RNGTT: variants seen among roughly 807,000 people sequenced by gnomAD.
RNGTT encodes the protein RNA guanylyltransferase and 5'-phosphatase.
A neutral mutation model predicts 79.3 loss-of-function variants in RNGTT; 33 were observed. The ratio of observed to expected loss-of-function variants is 0.42; its 90% CI spans 0.32 to 0.56. RNGTT has a LOEUF of 0.56. RNGTT is among the 20% of genes least tolerant of loss of function. The pLI is 0.17. For missense variants in RNGTT, 497 were observed against 739.1 expected, an observed-to-expected ratio of 0.67 and a Z score of 3.80; for synonymous variants, 222 against 235.9, an observed-to-expected ratio of 0.94 and a Z score of 0.54.
At chr6:88,869,833 G>T (rs1235927789) in intron 8 of RNGTT, among the ~76,000 whole-genome samples, 1 of 151,982 alleles carries the variant, frequency 6.6e-6, no homozygotes, top group Non-Finnish European at 1.5e-5. Context: ...GCTGCTTAAA[G>T]GCTGTAATTT....
In RNGTT at chr6:88,801,579, A is replaced by T. The variant is rs1779784856; in HGVS notation, c.1323T>A (p.Ile441=). 4 of 1,612,738 alleles carry T rather than the reference A, an allele frequency of 2.5e-6. No individual in the cohort carries two copies. Among genetic ancestry groups the T allele is most frequent in the Non-Finnish European group, 3.4e-6 (4 of 1,179,238 alleles). The change falls in exon 12 of 16, where the codon ATT becomes ATA. Residue 441 remains isoleucine (I), a synonymous_variant. Coordinates refer to ENST00000369485, the MANE Select transcript of RNGTT (RefSeq NM_003800.5). ...KEVSHEMDGL[I]FQPTGKYKPG... ...ATGAACTTACTCCAGTAGGCTGAAAAATAAGTCCATCCATTTCATGGCTCA... is the reference window on the plus strand; with the variant it reads ...ATGAACTTACTCCAGTAGGCTGAAATATAAGTCCATCCATTTCATGGCTCA...
chr6:88,714,158 A>G (rs1291052364), intron 13 of RNGTT: 2 of 152,224 alleles, frequency 1.3e-5, no homozygotes, highest in Non-Finnish European at 2.9e-5. Context: ...ACTGGGTAAA[A>G]TACTGTGAAA....
At chr6:88,940,917 G>A (rs2127958572) in intron 2 of RNGTT, among the ~76,000 whole-genome samples, 154 bp downstream of exon 2, 2 of 152,314 alleles carry the variant, frequency 1.3e-5, no homozygotes, top group East Asian at 3.9e-4. Context: ...GAGAAGCTGG[G>A]AGAAGGGTTC....
rs1177600777 is a variant in RNGTT, at chr6:88,939,768, CCTT to C, written c.174+1300_174+1302del. Among the ~76,000 whole-genome samples the C allele has an allele frequency of 4.7e-5, 7 of 149,632 alleles. No individual in the cohort carries two copies. In the East Asian group the frequency reaches 1.4e-3, roughly 30 times the overall value. ...CACATCTGGTGTAACACTCACTTCT[CCTT>C]TTTTTTTGAGACACGGTCACACTAT... On this transcript the variant is annotated intron_variant, in intron 2 of 15. Transcript: ENST00000369485.
rs147650416 is a variant in RNGTT, at chr6:88,844,385, G to A, written c.1241C>T (p.Pro414Leu). 2.2e-5 allele frequency: 35 copies of A among 1,612,844 alleles called. No homozygotes were observed. The highest frequency in any genetic ancestry group is 4.0e-5 in the African/African-American group (3 of 74,788). ...TQEPFSVRNK[P>L]FFDICTSRKL... is the part of the protein sequence containing the mutation. ...TCTTGAAGTACAGATGTCAAAAAAC[G>A]GCTTATTTCTGACGCTAAATGGTTC... The change falls in exon 11 of 16, where the codon CCG becomes CTG. Residue 414 changes from proline to leucine, a missense_variant. Transcript: ENST00000369485.
intron 14 of RNGTT, among the ~76,000 whole-genome samples, chr6:88,642,988 T>C (rs1166495610): frequency 2.6e-5 from 4 of 152,186 alleles, no homozygotes; most frequent in Non-Finnish European, 5.9e-5. Context: ...AAAAGGGAAG[T>C]ACAAATGCGC....
At chr6:88,940,553 G>A (rs536664139) in intron 2 of RNGTT, among the ~76,000 whole-genome samples, 17 of 152,336 alleles carry the variant, frequency 1.1e-4, no homozygotes, top group African/African-American at 3.1e-4. Flanking sequence ...AGCTCAGGGT[G>A]TGGTTGTTAG....
At chr6:88,822,607 T>A (rs1780530581) in intron 11 of RNGTT, among the ~76,000 whole-genome samples, 1 of 152,158 alleles carries the variant, frequency 6.6e-6, no homozygotes, top group Non-Finnish European at 1.5e-5. Flanking sequence ...AACAGACAAC[T>A]ACAAAATCAT....
chr6:88,776,493 A>AT (rs558080038), intron 12 of RNGTT, among the ~76,000 whole-genome samples: 85 of 149,414 alleles, frequency 5.7e-4, no homozygotes, highest in African/African-American at 1.0e-3. Context: ...CTAATTTTGC[A>AT]TTTTTTTTTC....
At chr6:88,713,293 T>C (rs933298294) in intron 13 of RNGTT, among the ~76,000 whole-genome samples, 3 of 149,306 alleles carry the variant, frequency 2.0e-5, no homozygotes, top group Non-Finnish European at 3.0e-5. Context: ...AACCTGACCA[T>C]GCTGGCACCC....
chr6:88,884,676 T>G (rs778111897), intron 8 of RNGTT, among the ~76,000 whole-genome samples: 26 of 151,872 alleles, frequency 1.7e-4, no homozygotes, highest in Admixed American at 3.3e-4. Context: ...GAGGGCAAAC[T>G]CAGAATATAA....
chr6:88,726,389 C>CAAAAAAAAAAAAAAAAAA (rs61210098), intron 13 of RNGTT, among the ~76,000 whole-genome samples: 3 of 99,540 alleles, frequency 3.0e-5, no homozygotes, highest in Non-Finnish European at 5.8e-5. Context: ...ATCCTAAGTC[C>CAAAAAAAAAAAAAAAAAA]AAAAAAAAAA....
At chr6:88,903,425 T>C (rs985984303) in intron 6 of RNGTT, among the ~76,000 whole-genome samples, 3 of 152,218 alleles carry the variant, frequency 2.0e-5, no homozygotes, top group Admixed American at 6.5e-5. Flanking sequence ...ATGCTGCTTA[T>C]TGAAGTTTCC....
At chr6:88,908,970 G>A (rs1475326318) in intron 4 of RNGTT, among the ~76,000 whole-genome samples, 1 of 152,010 alleles carries the variant, frequency 6.6e-6, no homozygotes, top group Non-Finnish European at 1.5e-5. Flanking sequence ...TGCAGGCCTG[G>A]TCCCACTTCC....
At chr6:88,646,435 T>C (rs1018344118) in intron 14 of RNGTT, among the ~76,000 whole-genome samples, 4 of 152,214 alleles carry the variant, frequency 2.6e-5, no homozygotes, top group African/African-American at 7.2e-5. Flanking sequence ...GTCAGTGTGG[T>C]GATTCCTCAG....
chr6:88,614,449 C>T (rs1217234585), intron 14 of RNGTT, 54 bp from the exon 15 acceptor site: 28 of 1,567,158 alleles, frequency 1.8e-5, no homozygotes, highest in Non-Finnish European at 2.4e-5. Context: ...AGGCTTTTTG[C>T]TTCTACTATG....
At chr6:88,926,435 A>C (rs1471665100) in intron 4 of RNGTT, among the ~76,000 whole-genome samples, 2 of 152,238 alleles carry the variant, frequency 1.3e-5, no homozygotes, top group African/African-American at 4.8e-5. Flanking sequence ...TTTACAAATT[A>C]ATTTCAAAGT....
intron 14 of RNGTT, among the ~76,000 whole-genome samples, chr6:88,616,359 C>A (rs6918598): frequency 0.03 from 4,579 of 152,212 alleles, 235 homozygotes; most frequent in African/African-American, 0.1. Context: ...ATTATTTTGG[C>A]TATACACCCA....
chr6:88,675,122 T>C (rs746511065), intron 14 of RNGTT, among the ~76,000 whole-genome samples: 27 of 150,508 alleles, frequency 1.8e-4, no homozygotes, highest in Admixed American at 3.3e-4. Context: ...AAAAAAATTA[T>C]AGGTTTCTCA....
Sources: allele counts gnomAD v4.1 joint callset (sites outside exome capture counted in the v4.1 genomes callset), GRCh38; gene constraint gnomAD v4.1.1; transcripts MANE v1.5; gene names NCBI Gene and HGNC (gene_info 2026-07-23, HGNC 2026-07-21).